Variants in CACNA1C observed in about 807,000 individuals in gnomAD.
The protein encoded by CACNA1C is voltage-dependent L-type calcium channel subunit alpha-1C.
A neutral mutation model predicts 229.0 loss-of-function variants in CACNA1C; 30 were observed. The observed-to-expected ratio is 0.13, with a 90% CI of 0.10 to 0.18. The LOEUF (loss-of-function observed/expected upper bound fraction) is 0.18. Ranked by LOEUF, CACNA1C falls within the 10% of genes least tolerant of loss-of-function variation. The pLI, the probability that CACNA1C is intolerant of heterozygous loss-of-function variation, is 1.00. For synonymous variants in CACNA1C, 1,114 were observed against 1,132.5 expected, an observed-to-expected ratio of 0.98 and a Z score of 0.33; for missense variants, 1,658 against 2,845.0, an observed-to-expected ratio of 0.58 and a Z score of 9.49.
At chr12:2,513,026 G>A (rs1167155236) in intron 9 of CACNA1C, 42 bp downstream of exon 9, 3 of 1,526,604 alleles carry the variant, frequency 2.0e-6, no homozygotes, top group Admixed American at 1.9e-5. Flanking sequence ...GGGTTCTGGG[G>A]GAGAGGAGAC....
At position 2,319,343 on chromosome 12, in the gene CACNA1C, C is replaced by CA. The variant is rs2095853143; in HGVS notation, c.478-129632dup. ...GGTGCCGTGCATGGTGGGCAACATA[C>CA]ATGGGGGCAGTGTGCTTGGTAGGCA... On this transcript the variant is annotated intron_variant, in intron 3 of 46. Transcript: ENST00000399655. The surrounding 1 kb of genome is among the most constrained non-coding windows in gnomAD (Gnocchi z 4.0). Among the ~76,000 whole-genome samples the CA allele has an allele frequency of 6.6e-6, 1 of 152,028 alleles. No homozygotes were observed. Among genetic ancestry groups the CA allele is most frequent in the Non-Finnish European group, 1.5e-5 (1 of 67,988 alleles).
At chr12:2,048,807 AGAGCCTGCTTGGCAACCT>A (rs1245093040), upstream of CACNA1C, among the ~76,000 whole-genome samples, 1 of 152,204 alleles carries the variant, frequency 6.6e-6, no homozygotes, top group Non-Finnish European at 1.5e-5. Flanking sequence ...GGGAAGAGGA[AGAGCCTGCTTGGCAACCT>A]GGCTTTTCAA....
chr12:2,493,196 C>T lies in CACNA1C; in HGVS notation c.923C>T (p.Pro308Leu), dbSNP rs375849936. 1 of 1,613,368 alleles carries T rather than the reference C, an allele frequency of 6.2e-7. No homozygotes were observed. Among genetic ancestry groups the T allele is most frequent in the Non-Finnish European group, 8.5e-7 (1 of 1,179,512 alleles). Reference protein sequence around the residue: ...CYNQEGIADVPAEDDPSPCAL... With the variant: ...CYNQEGIADVLAEDDPSPCAL... ...CTTCTTCTGGCCATTTGAGATGTTCCAGCAGAAGATGACCCTTCCCCTTGT... is the reference window on the plus strand; with the variant it reads ...CTTCTTCTGGCCATTTGAGATGTTCTAGCAGAAGATGACCCTTCCCCTTGT... The change falls in exon 7 of 47, where the codon CCA becomes CTA. Residue 308 changes from proline (P) to leucine (L), a missense_variant. This residue lies in a region of CACNA1C where 84 missense variants were observed against 202.6 expected (regional missense o/e 0.41). Transcript: ENST00000399655. This position sits in a 1 kb window ranked among gnomAD's most constrained non-coding sequence, Gnocchi z 4.6.
chr12:2,068,305 T>A (rs374926673), intron 1 of CACNA1C, among the ~76,000 whole-genome samples: 8 of 152,136 alleles, frequency 5.3e-5, no homozygotes, highest in East Asian at 1.9e-4. Context: ...CCAGTCCCTG[T>A]CACATATGCA....
chr12:2,360,145 A>C (rs2154530337), intron 3 of CACNA1C, among the ~76,000 whole-genome samples: 2 of 144,778 alleles, frequency 1.4e-5, no homozygotes, highest in African/African-American at 5.2e-5. Flanking sequence ...AAACACACAC[A>C]AACACACCCC....
intron 1 of CACNA1C, among the ~76,000 whole-genome samples, chr12:2,105,768 C>T (rs2078157122): frequency 8.8e-6 from 1 of 113,580 alleles, no homozygotes; most frequent in African/African-American, 3.9e-5. Context: ...CTCAGCTGGG[C>T]GTCCTGAAGC....
At chr12:2,110,950 G>A (rs1391396597) in intron 1 of CACNA1C, among the ~76,000 whole-genome samples, 4 of 149,146 alleles carry the variant, frequency 2.7e-5, no homozygotes, top group Admixed American at 2.6e-4. Flanking sequence ...TGTCTCACCC[G>A]AGAGGCCACA....
At chr12:2,598,986 G>A (rs887145285) in intron 21 of CACNA1C, among the ~76,000 whole-genome samples, 1 of 152,302 alleles carries the variant, frequency 6.6e-6, no homozygotes, top group East Asian at 1.9e-4. Context: ...GCTTTCCATG[G>A]TGAGCTGCTT....
At position 1,994,380 on chromosome 12, in the gene CACNA1C, C is replaced by G. The variant is rs949168838; in HGVS notation, c.139+23179C>G. Among the ~76,000 whole-genome samples the G allele has an allele frequency of 2.0e-5, 3 of 152,322 alleles. No homozygotes were observed. The East Asian group carries it at 5.8e-4, about 29-fold the overall frequency. On this transcript the variant is annotated intron_variant, in intron 1 of 46. Coordinates refer to the CACNA1C transcript ENST00000682462. ...AGTTTTATTTTACCTCTATTTGATA[C>G]TGATCAAGGAACACAGCTACATAAC...
chr12:2,087,199 T>A (rs2068033531), intron 1 of CACNA1C, among the ~76,000 whole-genome samples: 1 of 152,348 alleles, frequency 6.6e-6, no homozygotes, highest in African/African-American at 2.4e-5. Flanking sequence ...CAGCTGATCC[T>A]CACTTGCTCA....
chr12:2,369,799 A>G (rs1475338496), intron 3 of CACNA1C, among the ~76,000 whole-genome samples: 2 of 152,248 alleles, frequency 1.3e-5, no homozygotes, highest in Admixed American at 1.3e-4. Flanking sequence ...GGGGAAAAAG[A>G]CTATTTAACT....
chr12:2,510,957 ATC>A (rs1183862463), intron 8 of CACNA1C, among the ~76,000 whole-genome samples: 1 of 152,198 alleles, frequency 6.6e-6, no homozygotes, highest in Admixed American at 6.5e-5. Flanking sequence ...AGGGGATGGC[ATC>A]TCTCTATGAT....
chr12:2,504,986 AT>A lies in CACNA1C; in HGVS notation c.1217+46del. ...GAAAAAGGTCTTGATTTTTCCATTTATTTTTATTTATTCTTTCTGCTATTCC... is the reference window on the plus strand; with the variant it reads ...GAAAAAGGTCTTGATTTTTCCATTTATTTTATTTATTCTTTCTGCTATTCC... On this transcript the variant is annotated intron_variant, in intron 8 of 46. Transcript: ENST00000399655. This position sits in a 1 kb window ranked among gnomAD's most constrained non-coding sequence, Gnocchi z 6.8. The A allele has an allele frequency of 1.0e-6, 1 of 981,454 alleles. No individual in the cohort carries two copies. Among genetic ancestry groups the A allele is most frequent in the Non-Finnish European group, 1.6e-6 (1 of 620,946 alleles). 60.8% of individuals were successfully genotyped at this position (981,454 alleles called of 1,614,324 possible). A position where few individuals can be genotyped will look rare whatever the true frequency, so the allele number is the denominator to read the frequency against.
chr12:2,469,737 A>G (rs2099580524), intron 5 of CACNA1C, among the ~76,000 whole-genome samples: 2 of 152,234 alleles, frequency 1.3e-5, no homozygotes, highest in Non-Finnish European at 2.9e-5. Flanking sequence ...ACTAGACCAT[A>G]TAGTCCTACT....
intron 1 of CACNA1C, among the ~76,000 whole-genome samples, chr12:2,078,435 G>A (rs1387320964): frequency 6.6e-6 from 1 of 152,144 alleles, no homozygotes; most frequent in Non-Finnish European, 1.5e-5. Context: ...ATGCTACAAC[G>A]GGGATGAACC....
intron 30 of CACNA1C, among the ~76,000 whole-genome samples, chr12:2,640,528 G>T (rs373629322): frequency 6.6e-6 from 1 of 152,208 alleles, no homozygotes; most frequent in Non-Finnish European, 1.5e-5. Flanking sequence ...GAAGGCAAAC[G>T]CCAGGAGGCG....
intron 9 of CACNA1C, among the ~76,000 whole-genome samples, chr12:2,534,522 T>C (rs2099848652): frequency 6.6e-6 from 1 of 152,270 alleles, no homozygotes; most frequent in Admixed American, 6.5e-5. Context: ...ATCAACCCAC[T>C]CCTTTCTTGT....
At chr12:1,989,878 T>C (rs2154472923) in intron 1 of CACNA1C, among the ~76,000 whole-genome samples, 1 of 152,372 alleles carries the variant, frequency 6.6e-6, no homozygotes, top group East Asian at 1.9e-4. Context: ...AGAAGTGGTC[T>C]AATTCAGCTT....
intron 21 of CACNA1C, among the ~76,000 whole-genome samples, chr12:2,598,595 T>C (rs879258005): frequency 2.6e-5 from 4 of 152,002 alleles, no homozygotes; most frequent in Non-Finnish European, 5.9e-5. Context: ...TCCCAAGGAG[T>C]CCAGGCTCCC....
Sources: gnomAD v4.1 joint callset for allele counts (sites outside exome capture counted in the v4.1 genomes callset) on GRCh38, gnomAD v4.1.1 for gene constraint, gnomAD v4.1.1 regional missense constraint, Gnocchi (gnomAD v3.1) non-coding constraint, MANE v1.5 for transcripts, NCBI Gene and HGNC (gene_info 2026-07-23, HGNC 2026-07-21) for gene names.